RHCE: variants seen among roughly 807,000 people sequenced by gnomAD.
The protein encoded by RHCE is blood group Rh(CE) polypeptide.
A neutral mutation model predicts 43.8 loss-of-function variants in RHCE; 22 were observed. The ratio of observed to expected loss-of-function variants is 0.50; its 90% CI spans 0.36 to 0.72. The LOEUF is 0.72. Among genes scored for constraint, RHCE ranks in the 30% least tolerant of loss-of-function variants. RHCE has a pLI of 0.00. For missense variants in RHCE, 385 were observed against 525.4 expected (o/e 0.73, Z 2.61); for synonymous variants, 156 against 210.7 (o/e 0.74, Z 2.25).
chr1:25,410,786 A>G (rs1647049072), intron 1 of RHCE, among the ~76,000 whole-genome samples: 1 of 152,086 alleles, frequency 6.6e-6, no homozygotes, highest in Admixed American at 6.5e-5. Flanking sequence ...ATCATTTCCT[A>G]TTAGATTAAA....
chr1:25,371,216 G>A (rs1324207344), intron 8 of RHCE, among the ~76,000 whole-genome samples: 2 of 151,264 alleles, frequency 1.3e-5, no homozygotes, highest in Admixed American at 6.6e-5. Flanking sequence ...TATGGAGGGC[G>A]ACTCCAGTTG....
chr1:25,411,442 A>C, intron 1 of RHCE: 2 of 1,549,948 alleles, frequency 1.3e-6, no homozygotes, highest in African/African-American at 2.7e-5. Context: ...AAGTACATTT[A>C]AATTCACTTC....
chr1:25,410,644 C>T (rs1203890695), intron 1 of RHCE, among the ~76,000 whole-genome samples: 2 of 152,048 alleles, frequency 1.3e-5, no homozygotes, highest in South Asian at 4.1e-4. Flanking sequence ...ATGTAATCCA[C>T]CCACCTCCGT....
intron 4 of RHCE, among the ~76,000 whole-genome samples, chr1:25,391,705 G>A (rs1442225361): frequency 5.9e-5 from 9 of 151,934 alleles, no homozygotes; most frequent in African/African-American, 1.2e-4. Context: ...TCACTTGTCC[G>A]TTTCCCTCCT....
rs1325298569 is a variant in RHCE at position 25,379,475 on chromosome 1, ATATATATATATATATATATATTTTTTTTT to A, written c.1074-4076_1074-4048del. Among the ~76,000 whole-genome samples, 12 of 12,702 alleles carry A rather than the reference ATATATATATATATATATATATTTTTTTTT, an allele frequency of 9.4e-4. 1 individual carries two copies. The highest frequency in any genetic ancestry group is 2.6e-3 in the East Asian group (1 of 390). 8.3% of individuals were successfully genotyped at this position (12,702 alleles called of 152,430 possible). A position where few individuals can be genotyped will look rare whatever the true frequency, so the allele number is the denominator to read the frequency against. ...AGTATATATATATATATATATATAT[ATATATATATATATATATATATTTTTTTTT>A]TTTTTTTTTTTTTTTTTAAAGATGG... On this transcript the variant is annotated intron_variant, in intron 7 of 9. Transcript: ENST00000294413.
At chr1:25,417,785 G>C (rs1183145249) in intron 1 of RHCE, among the ~76,000 whole-genome samples, 2 of 152,056 alleles carry the variant, frequency 1.3e-5, no homozygotes, top group Admixed American at 1.3e-4. Flanking sequence ...CTCAAAAAAT[G>C]GTGTGTACAC....
chr1:25,420,384 G>A (rs1453594764), intron 1 of RHCE, among the ~76,000 whole-genome samples: 1 of 152,112 alleles, frequency 6.6e-6, no homozygotes, highest in Non-Finnish European at 1.5e-5. Flanking sequence ...GGAATTTGAG[G>A]AACACCAAAG....
At chr1:25,415,159 T>G (rs1461168296) in intron 1 of RHCE, among the ~76,000 whole-genome samples, 1 of 152,098 alleles carries the variant, frequency 6.6e-6, no homozygotes, top group Non-Finnish European at 1.5e-5. Context: ...TTTCATCAAG[T>G]ACAGCTGACT....
chr1:25,386,508 G>A (rs1349596239), intron 6 of RHCE, among the ~76,000 whole-genome samples: 4 of 152,142 alleles, frequency 2.6e-5, no homozygotes. Context: ...CCTTCCTTAG[G>A]ATCCCCATTA....
chr1:25,409,263 C>T lies in RHCE; in HGVS notation c.149-394G>A, dbSNP rs1402148827. The stretch of plus-strand genomic sequence containing the variant: ...GCTGTTATTGCATATGAGGGCCAAC[C>T]CCCTGGCTGGGCACATGAGAAAATA... On this transcript the variant is annotated intron_variant, in intron 1 of 9. Transcript: ENST00000294413. Among the ~76,000 whole-genome samples the T allele has an allele frequency of 1.6e-5, 2 of 123,990 alleles. 1 individual carries two copies. The highest frequency in any genetic ancestry group is 1.7e-4 in the Admixed American group (2 of 11,596). The allele number at this position is 123,990 out of a possible 152,430, so 81.3% of individuals were successfully genotyped here.
At chr1:25,372,608 G>A (rs1379352919) in intron 8 of RHCE, among the ~76,000 whole-genome samples, 1 of 151,384 alleles carries the variant, frequency 6.6e-6, no homozygotes, top group East Asian at 1.9e-4. Context: ...TAGAAACCTA[G>A]CCCACCTCTA....
Position 25,377,354 on chromosome 1 carries a change from G to A in RHCE, c.1074-1926C>T, listed in dbSNP as rs567737466. 3.3e-5 allele frequency among the ~76,000 whole-genome samples: 5 copies of A among 151,832 alleles called. No homozygotes were observed. In the East Asian group the frequency reaches 7.8e-4, roughly 24 times the overall value. ...TGAGACTACAGGCAAGAGCCACAAC[G>A]CCCAGCTAATTTTTTGTATTTTTAG... is the stretch of plus-strand genomic sequence containing the variant. On this transcript the variant is annotated intron_variant, in intron 7 of 9. Transcript: ENST00000294413.
chr1:25,381,457 C>CTTTTTTTT (rs757669054), intron 7 of RHCE, among the ~76,000 whole-genome samples: 4 of 134,294 alleles, frequency 3.0e-5, no homozygotes, highest in African/African-American at 8.5e-5. Flanking sequence ...TTTTCTTTTT[C>CTTTTTTTT]TTTTTTTTTT....
chr1:25,387,532 C>A (rs1557613811), intron 6 of RHCE, among the ~76,000 whole-genome samples: 1 of 152,186 alleles, frequency 6.6e-6, no homozygotes, highest in Non-Finnish European at 1.5e-5. Context: ...AGGAAACAAG[C>A]TCAGGGAATG....
chr1:25,412,743 G>C (rs1156466435), intron 1 of RHCE, among the ~76,000 whole-genome samples: 2 of 129,532 alleles, frequency 1.5e-5, no homozygotes, highest in African/African-American at 5.8e-5. Context: ...AAAAAAAAAA[G>C]GCCGGGCACA....
rs543651654 is a variant in RHCE at position 25,390,854 on chromosome 1, G to C, written c.696C>G (p.Ile232Met). 5 of 1,614,234 alleles carry C rather than the reference G, an allele frequency of 3.1e-6. No individual in the cohort carries two copies. The African/African-American group carries it at 6.7e-5, about 22-fold the overall frequency. Reference sequence around the variant, plus strand: ...TGTTGAACATGGCATTCTTCCTTTGGATTGGACTTCTCAGCAGAGCAGAGT... The same window carrying C: ...TGTTGAACATGGCATTCTTCCTTTGCATTGGACTTCTCAGCAGAGCAGAGT... Reference protein sequence around the residue: ...SVNSALLRSPIQRKNAMFNTY... With the variant: ...SVNSALLRSPMQRKNAMFNTY... Residue 232 changes from isoleucine to methionine, a missense_variant, in exon 5 of 10, where the codon ATC becomes ATG. Physicochemically the swap from Ile to Met is conservative, Grantham distance 10. Around this residue, in one of 6 missense-constraint regions of RHCE, gnomAD observed 110 missense variants for 103.4 expected, o/e 1.06. Transcript: ENST00000294413.
At chr1:25,402,481 C>G in intron 3 of RHCE, 115 bp downstream of exon 3, 1 of 1,508,870 alleles carries the variant, frequency 6.6e-7, no homozygotes, top group East Asian at 2.3e-5. Context: ...CCTCCTCAAC[C>G]TCCCAAGTAG....
chr1:25,410,849 T>A (rs1160194296), intron 1 of RHCE, among the ~76,000 whole-genome samples: 1 of 152,094 alleles, frequency 6.6e-6, no homozygotes, highest in East Asian at 1.9e-4. Flanking sequence ...AATACCAATT[T>A]AGGAGGATGA....
intron 7 of RHCE, among the ~76,000 whole-genome samples, chr1:25,379,492 TA>T (rs1645923469): frequency 2.9e-4 from 5 of 17,540 alleles, no homozygotes; most frequent in African/African-American, 1.6e-3. Flanking sequence ...TATATATATA[TA>T]TATTTTTTTT....
Sources: gnomAD v4.1 joint callset for allele counts (sites outside exome capture counted in the v4.1 genomes callset) on GRCh38, gnomAD v4.1.1 for gene constraint, gnomAD v4.1.1 regional missense constraint, MANE v1.5 for transcripts, NCBI Gene and HGNC (gene_info 2026-07-23, HGNC 2026-07-21) for gene names.